Variants in PRDM16 observed in about 807,000 individuals in gnomAD.
The protein encoded by PRDM16 is histone-lysine N-methyltransferase PRDM16.
In PRDM16, 23 loss-of-function variants were observed where a neutral mutation model predicts 110.6. The observed-to-expected ratio is 0.21, with a 90% CI of 0.15 to 0.29. The LOEUF (loss-of-function observed/expected upper bound fraction) is 0.29, where lower values mean the gene tolerates loss of function less well. Among genes scored for constraint, PRDM16 ranks in the 10% least tolerant of loss-of-function variants. The pLI is 1.00. For missense variants in PRDM16, 1,615 were observed against 1,794.3 expected, an observed-to-expected ratio of 0.90 and a Z score of 1.81; for synonymous variants, 799 against 781.8, an observed-to-expected ratio of 1.02 and a Z score of -0.37.
At chr1:3,374,094 C>T (rs1245433632) in intron 3 of PRDM16, among the ~76,000 whole-genome samples, 7 of 152,226 alleles carry the variant, frequency 4.6e-5, no homozygotes, top group East Asian at 1.9e-4. Flanking sequence ...TCGGCCAGCA[C>T]GAGGCAAACC....
intron 2 of PRDM16, among the ~76,000 whole-genome samples, chr1:3,200,342 T>TA (rs1056736851): frequency 1.3e-5 from 2 of 152,120 alleles, no homozygotes; most frequent in African/African-American, 4.8e-5. Flanking sequence ...GTGGATTTTT[T>TA]TTTTATTTTT....
intron 2 of PRDM16, among the ~76,000 whole-genome samples, chr1:3,189,392 C>T (rs1047622528): frequency 6.6e-6 from 1 of 151,720 alleles, no homozygotes; most frequent in African/African-American, 2.4e-5. Flanking sequence ...AACATGGGTG[C>T]CAGCGTCACG....
At chr1:3,070,781 C>T (rs904704213) in intron 1 of PRDM16, among the ~76,000 whole-genome samples, 3 of 152,292 alleles carry the variant, frequency 2.0e-5, no homozygotes, top group Admixed American at 2.0e-4. Flanking sequence ...CCGTAGGCCC[C>T]GCGCTCTGTG....
chr1:3,350,779 G>A lies in PRDM16; in HGVS notation c.439-34373G>A, dbSNP rs570760660. Among the ~76,000 whole-genome samples, 7 of 152,236 alleles carry A rather than the reference G, an allele frequency of 4.6e-5. No homozygotes were observed. The East Asian group carries it at 5.8e-4, about 13-fold the overall frequency. ...TCTGCCGACTTCTTCCCAATGCCGC[G>A]TCCAGTGTTTTCCTCTTTCTGGGCC... On this transcript the variant is annotated intron_variant, in intron 3 of 16. Transcript: ENST00000270722. This position sits in a 1 kb window ranked among gnomAD's most constrained non-coding sequence, Gnocchi z 7.1.
chr1:3,239,880 G>A (rs1218305640), intron 2 of PRDM16, among the ~76,000 whole-genome samples: 1 of 152,020 alleles, frequency 6.6e-6, no homozygotes, highest in Non-Finnish European at 1.5e-5. Context: ...AGCCCAGGAG[G>A]TCGAGGTTGC....
chr1:3,142,002 A>G (rs1200196171), intron 1 of PRDM16, among the ~76,000 whole-genome samples: 1 of 152,256 alleles, frequency 6.6e-6, no homozygotes, highest in East Asian at 1.9e-4. Context: ...GTGGGGCCGC[A>G]CTGTGCATTC....
intron 3 of PRDM16, among the ~76,000 whole-genome samples, chr1:3,314,579 C>T (rs892479491): frequency 2.0e-5 from 3 of 151,852 alleles, no homozygotes; most frequent in Non-Finnish European, 2.9e-5. Context: ...CTCTCTCTCT[C>T]TCCTCTCTCT....
Position 3,426,402 on chromosome 1 carries a change from G to A in PRDM16, c.3284+177G>A, listed in dbSNP as rs117366760. ...TGGGCTCTGGGAACCTGGGGAAGCT[G>A]CGCTGTCTGCCTCAGTTCCTCCACC... On this transcript the variant is annotated intron_variant, in intron 14 of 16. Transcript: ENST00000270722. 4.6e-5 allele frequency among the ~76,000 whole-genome samples: 7 copies of A among 152,136 alleles called. No homozygotes were observed. In the East Asian group the frequency reaches 1.4e-3, roughly 30 times the overall value.
intron 8 of PRDM16, among the ~76,000 whole-genome samples, chr1:3,410,402 G>A (rs1328285668): frequency 6.6e-6 from 1 of 152,176 alleles, no homozygotes; most frequent in Non-Finnish European, 1.5e-5. Flanking sequence ...GTCTGAGGAG[G>A]TTCCCAGTAG....
chr1:3,112,506 C>T (rs113130483), intron 1 of PRDM16, among the ~76,000 whole-genome samples: 1,737 of 152,330 alleles, frequency 0.011, 20 homozygotes, highest in African/African-American at 0.034. Context: ...TCTGTGTTCC[C>T]GGGCCGGCTT....
At chr1:3,268,630 C>T (rs1162915122) in intron 3 of PRDM16, among the ~76,000 whole-genome samples, 1 of 152,236 alleles carries the variant, frequency 6.6e-6, no homozygotes, top group East Asian at 1.9e-4. Flanking sequence ...GCAGAAACCA[C>T]AGCTGCCCCT....
chr1:3,135,812 C>T lies in PRDM16; in HGVS notation c.38-50313C>T, dbSNP rs534923007. 1.1e-4 allele frequency among the ~76,000 whole-genome samples: 16 copies of T among 152,354 alleles called. No homozygotes were observed. The South Asian group carries it at 1.2e-3, about 12-fold the overall frequency. On this transcript the variant is annotated intron_variant, in intron 1 of 16. Coordinates refer to ENST00000270722, the MANE Select transcript of PRDM16 (RefSeq NM_022114.4). ...GGATCCCAGCCGTCCCCAGACCGTC[C>T]GTCCCTTCCCCGTGGCTCCCTGGGC...
intron 1 of PRDM16, among the ~76,000 whole-genome samples, chr1:3,094,757 G>C (rs1035972313): frequency 6.6e-6 from 1 of 152,236 alleles, no homozygotes; most frequent in Non-Finnish European, 1.5e-5. Context: ...GCTTAAATGA[G>C]CAAGGCCTTC....
Position 3,431,079 on chromosome 1 carries a change from C to T in PRDM16, c.3492C>T (p.Ser1164=), listed in dbSNP as rs1023870233. Residue 1164 remains serine (S), a synonymous_variant, in exon 15 of 17, where the codon TCC becomes TCT. Coordinates refer to ENST00000270722, the MANE Select transcript of PRDM16 (RefSeq NM_022114.4). The stretch of plus-strand genomic sequence containing the variant: ...AGGAGGATGAGGAGCCAGCCGCCTC[C>T]CTGGCCGTGGGCTTTGACCACACCC... ...EDEEDEEPAA[S]LAVGFDHTRR... is the part of the protein sequence containing the mutation. 24 of 1,552,144 alleles carry T rather than the reference C, an allele frequency of 1.5e-5. No individual in the cohort carries two copies. Among genetic ancestry groups the T allele is most frequent in the Admixed American group, 9.8e-5 (5 of 51,138 alleles).
At chr1:3,162,690 G>A (rs761116790) in intron 1 of PRDM16, among the ~76,000 whole-genome samples, 3 of 152,230 alleles carry the variant, frequency 2.0e-5, no homozygotes, top group Non-Finnish European at 4.4e-5. Context: ...TGTGGAAAAC[G>A]CGGAGCCAGG....
In PRDM16 at chr1:3,352,376, C is replaced by A. The variant is rs549521014; in HGVS notation, c.439-32776C>A. 4.7e-4 allele frequency among the ~76,000 whole-genome samples: 72 copies of A among 152,316 alleles called. No homozygotes were observed. The South Asian group carries it at 5.6e-3, about 12-fold the overall frequency. On this transcript the variant is annotated intron_variant, in intron 3 of 16. Transcript: ENST00000270722. ...GCAGCTTTTAATTGTTTTTCTCCCC[C>A]CAGATGCTCTCCACTGACCCTCCCT...
At chr1:3,085,715 T>C (rs2100586985) in intron 1 of PRDM16, among the ~76,000 whole-genome samples, 1 of 152,326 alleles carries the variant, frequency 6.6e-6, no homozygotes, top group Admixed American at 6.5e-5. Flanking sequence ...ATGGAAGGGC[T>C]GCACTCAGGG....
chr1:3,417,845 C>T lies in PRDM16; in HGVS notation c.2709C>T (p.Thr903=). 1.2e-6 allele frequency: 2 copies of T among 1,613,854 alleles called. No homozygotes were observed. The highest frequency in any genetic ancestry group is 1.7e-6 in the Non-Finnish European group (2 of 1,179,958). ...LFHPQMSAIE[T]MTEKLESFAA... Reference sequence around the variant, plus strand: ...GCCTACAGATGTCAGCCATAGAGACCATGACAGAGAAGCTGGAGAGCTTTG... The same window carrying T: ...GCCTACAGATGTCAGCCATAGAGACTATGACAGAGAAGCTGGAGAGCTTTG... The change falls in exon 11 of 17, where the codon ACC becomes ACT. Residue 903 remains threonine (T), a synonymous_variant. Coordinates refer to ENST00000270722, the MANE Select transcript of PRDM16 (RefSeq NM_022114.4).
chr1:3,222,169 AC>A (rs1557539196), intron 2 of PRDM16, among the ~76,000 whole-genome samples: 2 of 152,070 alleles, frequency 1.3e-5, no homozygotes, highest in Non-Finnish European at 2.9e-5. Context: ...CTCAGGTCCC[AC>A]CCCCTGACAA....
Sources: allele counts gnomAD v4.1 joint callset (sites outside exome capture counted in the v4.1 genomes callset), GRCh38; gene constraint gnomAD v4.1.1; non-coding constraint Gnocchi (gnomAD v3.1); transcripts MANE v1.5; gene names NCBI Gene and HGNC (gene_info 2026-07-23, HGNC 2026-07-21).